The following PDE1C variants were observed in gnomAD, a reference collection of about 807,000 sequenced individuals.
The protein encoded by PDE1C is phosphodiesterase 1C, also known as dual specificity calcium/calmodulin-dependent 3',5'-cyclic nucleotide phosphodiesterase 1C.
In PDE1C, 62 loss-of-function variants were observed where a neutral mutation model predicts 93.1. The observed-to-expected ratio is 0.67, with a 90% CI of 0.54 to 0.82. The LOEUF is 0.82. Ranked by LOEUF, PDE1C falls within the 40% of genes least tolerant of loss-of-function variation. PDE1C has a pLI of 0.00. For synonymous variants in PDE1C, 325 were observed against 310.1 expected (o/e 1.05, Z -0.50); for missense variants, 742 against 884.6 (o/e 0.84, Z 2.04).
chr7:31,854,768 C>T (rs1017705827), intron 7 of PDE1C, among the ~76,000 whole-genome samples: 1 of 152,064 alleles, frequency 6.6e-6, no homozygotes, highest in Non-Finnish European at 1.5e-5. Flanking sequence ...GTCTTGGAGG[C>T]TTAAAGAACA....
chr7:31,786,581 T>C (rs1421095611), intron 16 of PDE1C: 2 of 152,202 alleles, frequency 1.3e-5, no homozygotes, highest in Admixed American at 1.3e-4. Flanking sequence ...GTTTCCTGAA[T>C]GCTGACCGTG....
intron 2 of PDE1C, among the ~76,000 whole-genome samples, chr7:32,186,075 A>ATTTGTTTT (rs1245830883): frequency 9.7e-5 from 11 of 113,732 alleles, no homozygotes; most frequent in Non-Finnish European, 1.5e-4. Context: ...TTTTTCCCTA[A>ATTTGTTTT]TTTGTTTTTT....
the PDE1C span, among the ~76,000 whole-genome samples, chr7:31,742,947 C>T: frequency 6.6e-6 from 1 of 152,192 alleles, no homozygotes; most frequent in Non-Finnish European, 1.5e-5. Context: ...GGTGCCCAAA[C>T]TCTCTTCAAC....
At chr7:32,075,812 G>T (rs1796317794), upstream of PDE1C, among the ~76,000 whole-genome samples, 1 of 152,142 alleles carries the variant, frequency 6.6e-6, no homozygotes, top group South Asian at 2.1e-4. Context: ...TCTCTGCCAG[G>T]ATCCTTCAGT....
chr7:32,348,235 G>C (rs938064605), intron 1 of PDE1C, among the ~76,000 whole-genome samples: 2 of 151,882 alleles, frequency 1.3e-5, no homozygotes, highest in Admixed American at 1.3e-4. Flanking sequence ...AGATAGAAAG[G>C]TATGTAAAGG....
the PDE1C span, among the ~76,000 whole-genome samples, chr7:31,698,869 A>G: frequency 6.6e-6 from 1 of 152,176 alleles, no homozygotes; most frequent in African/African-American, 2.4e-5. Context: ...TGGGTGTGTC[A>G]TGGGGGTAAC....
chr7:31,886,684 C>T (rs945499334), intron 2 of PDE1C, among the ~76,000 whole-genome samples: 1 of 151,322 alleles, frequency 6.6e-6, no homozygotes, highest in East Asian at 1.9e-4. Context: ...TTGAAGGCCA[C>T]GTAGGGGTCA....
chr7:32,331,104 G>T lies in PDE1C; in HGVS notation c.310+96718C>A, dbSNP rs117479302. On this transcript the variant is annotated intron_variant, in intron 1 of 1. Transcript: ENST00000672256. ...ATAAGATCTTAACTCACTTACCTGT[G>T]TTTGACAGGGAAGCAACAAACCCTT... Among the ~76,000 whole-genome samples, 881 of 152,300 alleles carry T rather than the reference G, an allele frequency of 5.8e-3. 7 individuals are homozygous for T. Among genetic ancestry groups the T allele is most frequent in the Middle Eastern group, 0.01 (3 of 294 alleles).
chr7:32,131,507 A>G (rs1262760397), intron 3 of PDE1C, among the ~76,000 whole-genome samples: 2 of 152,152 alleles, frequency 1.3e-5, no homozygotes, highest in African/African-American at 2.4e-5. Flanking sequence ...TGAGTCTCCA[A>G]TAATGAATCA....
intron 2 of PDE1C, among the ~76,000 whole-genome samples, chr7:31,997,657 C>G (rs373102630): frequency 1.3e-5 from 2 of 152,192 alleles, no homozygotes; most frequent in East Asian, 3.8e-4. Flanking sequence ...CTGTCTGTTG[C>G]TCATCAAAGA....
chr7:32,218,693 T>C (rs1806613024), intron 1 of PDE1C, among the ~76,000 whole-genome samples: 1 of 152,254 alleles, frequency 6.6e-6, no homozygotes, highest in South Asian at 2.1e-4. Flanking sequence ...ACAATTTGTA[T>C]TTTATGTTTT....
At chr7:31,704,074 A>T in the PDE1C span, among the ~76,000 whole-genome samples, 1 of 152,250 alleles carries the variant, frequency 6.6e-6, no homozygotes, top group Admixed American at 6.5e-5. Flanking sequence ...TGAAAAAGGA[A>T]TAATGAGGCT....
At chr7:32,007,158 G>A (rs1168529310) in intron 2 of PDE1C, among the ~76,000 whole-genome samples, 1 of 152,098 alleles carries the variant, frequency 6.6e-6, no homozygotes, top group Non-Finnish European at 1.5e-5. Context: ...AACTCTATTA[G>A]GACCCAAATA....
intron 2 of PDE1C, among the ~76,000 whole-genome samples, chr7:32,007,450 G>T (rs946671954): frequency 2.0e-5 from 3 of 152,212 alleles, no homozygotes; most frequent in Admixed American, 6.5e-5. Context: ...TCAGGAATAT[G>T]AGCAAAGGAG....
At chr7:31,656,542 A>C in the PDE1C span, 1 of 924,620 alleles carries the variant, frequency 1.1e-6, no homozygotes, top group Non-Finnish European at 1.3e-6. Flanking sequence ...CTGTTAGCAA[A>C]GTACTTTATG....
chr7:32,056,368 AACACACACACAC>A lies in PDE1C; in HGVS notation c.102-4800_102-4789del, dbSNP rs375602478. ...TCTCTCTCTCTCTCTCTCTCACTGA[AACACACACACAC>A]ACACACACACACACACACACACACA... On this transcript the variant is annotated intron_variant, in intron 1 of 17. Transcript: ENST00000396191. Among the ~76,000 whole-genome samples the A allele has an allele frequency of 2.0e-3, 236 of 119,286 alleles. 1 individual carries two copies. Among genetic ancestry groups the A allele is most frequent in the Middle Eastern group, 4.7e-3 (1 of 214 alleles). The allele number at this position is 119,286 out of a possible 152,430, so 78.3% of individuals were successfully genotyped here.
chr7:31,694,413 C>G, the PDE1C span, among the ~76,000 whole-genome samples: 3 of 151,826 alleles, frequency 2.0e-5, no homozygotes, highest in African/African-American at 4.8e-5. Flanking sequence ...CACACACACA[C>G]ACAGATTTAA....
chr7:31,767,664 A>G (rs971080500), intron 17 of PDE1C, among the ~76,000 whole-genome samples: 1 of 152,230 alleles, frequency 6.6e-6, no homozygotes, highest in Admixed American at 6.5e-5. Flanking sequence ...GGGCTGCTAT[A>G]ACAAAGTACT....
At position 32,124,720 on chromosome 7, in the gene PDE1C, TAACTC is replaced by T. The variant is rs576049170; in HGVS notation, c.308+45060_308+45064del. Among the ~76,000 whole-genome samples, 41 of 152,252 alleles carry T rather than the reference TAACTC, an allele frequency of 2.7e-4. 1 individual carries two copies. In the South Asian group the frequency reaches 6.8e-3, roughly 25 times the overall value. ...CCTTCCTTACACCGTATTCAAAAAT[TAACTC>T]AAGATGGACTAAAGACTTAAGTGTA... is the stretch of plus-strand genomic sequence containing the variant. On this transcript the variant is annotated intron_variant, in intron 3 of 18. Transcript: ENST00000396193.
Sources: gnomAD v4.1 joint callset for allele counts (sites outside exome capture counted in the v4.1 genomes callset) on GRCh38, gnomAD v4.1.1 for gene constraint, MANE v1.5 for transcripts, NCBI Gene and HGNC (gene_info 2026-07-23, HGNC 2026-07-21) for gene names.